Variants in EGF observed in about 807,000 individuals in gnomAD.
EGF encodes pro-epidermal growth factor.
A neutral mutation model predicts 143.8 loss-of-function variants in EGF; 95 were observed. The ratio of observed to expected loss-of-function variants is 0.66; its 90% confidence interval spans 0.56 to 0.78. The LOEUF is 0.78. Ranked by LOEUF, EGF falls within the 30% of genes least tolerant of loss-of-function variation. The pLI is 0.00. For synonymous variants in EGF, 510 were observed against 510.5 expected (o/e 1.00, Z 0.01); for missense variants, 1,320 against 1,470.9 (o/e 0.90, Z 1.68).
At chr4:109,981,543 T>A (rs189616670) in intron 15 of EGF, among the ~76,000 whole-genome samples, 3 of 152,224 alleles carry the variant, frequency 2.0e-5, no homozygotes, top group South Asian at 4.1e-4. Flanking sequence ...CTCCCTTGAA[T>A]GTGCACCCAA....
chr4:109,968,405 G>T (rs41498148), intron 10 of EGF, among the ~76,000 whole-genome samples: 3 of 152,042 alleles, frequency 2.0e-5, no homozygotes, highest in Admixed American at 6.6e-5. Flanking sequence ...GTGAAGTGGG[G>T]TGCTACAGAC....
Position 109,970,982 on chromosome 4 carries a change from G to A in EGF, c.1724+1863G>A, listed in dbSNP as rs760406293. ...ATACCTTCATTTCTTTATTATTTGAGTATTTATTTACTGAATAGTTGCAAT... is the reference window on the plus strand; with the variant it reads ...ATACCTTCATTTCTTTATTATTTGAATATTTATTTACTGAATAGTTGCAAT... On this transcript the variant is annotated intron_variant, in intron 11 of 23. Transcript: ENST00000265171. Among the ~76,000 whole-genome samples the A allele has an allele frequency of 2.6e-5, 4 of 151,954 alleles. No individual in the cohort carries two copies. In the East Asian group the frequency reaches 7.7e-4, roughly 29 times the overall value.
At chr4:110,006,956 GTTC>G (rs1350772843) in intron 22 of EGF, among the ~76,000 whole-genome samples, 1 of 152,188 alleles carries the variant, frequency 6.6e-6, no homozygotes, top group Non-Finnish European at 1.5e-5. Flanking sequence ...CGGGACCTAT[GTTC>G]TTCTGACAGA....
chr4:109,926,018 AATC>A (rs1738578164), intron 1 of EGF, among the ~76,000 whole-genome samples: 2 of 152,210 alleles, frequency 1.3e-5, no homozygotes, highest in South Asian at 4.1e-4. Flanking sequence ...GATGGGGAGT[AATC>A]ATAAAAATCT....
chr4:109,997,097 A>AG (rs1751903459), intron 20 of EGF, among the ~76,000 whole-genome samples: 1 of 151,964 alleles, frequency 6.6e-6, no homozygotes, highest in Admixed American at 6.5e-5. Flanking sequence ...TTGGTGGGTT[A>AG]GGGGAAGCCA....
At chr4:109,946,399 C>G (rs201654868) in intron 5 of EGF, among the ~76,000 whole-genome samples, 1 of 152,200 alleles carries the variant, frequency 6.6e-6, no homozygotes, top group East Asian at 1.9e-4. Context: ...CTTGCTATAA[C>G]TCCTCAAACA....
chr4:109,994,313 T>C (rs1432056362), intron 19 of EGF, among the ~76,000 whole-genome samples: 1 of 152,162 alleles, frequency 6.6e-6, no homozygotes, highest in African/African-American at 2.4e-5. Flanking sequence ...TCCAGGATAT[T>C]GGAGGTAACG....
intron 5 of EGF, among the ~76,000 whole-genome samples, chr4:109,957,398 G>A (rs1744964741): frequency 2.0e-5 from 3 of 152,212 alleles, no homozygotes; most frequent in Non-Finnish European, 4.4e-5. Flanking sequence ...GTAAACTGAT[G>A]TTAACCAATC....
intron 16 of EGF, among the ~76,000 whole-genome samples, chr4:109,985,262 C>T (rs17041140): frequency 2.6e-5 from 4 of 152,166 alleles, no homozygotes; most frequent in Admixed American, 6.5e-5. Flanking sequence ...TCTGTGTTGT[C>T]CTAGCTTGTG....
intron 19 of EGF, among the ~76,000 whole-genome samples, chr4:109,993,697 A>T (rs535017965): frequency 8.6e-5 from 13 of 151,998 alleles, no homozygotes; most frequent in African/African-American, 1.4e-4. Flanking sequence ...AGGGCTAGGC[A>T]GGTCGGTGAG....
chr4:109,969,327 G>A (rs1430883582), intron 11 of EGF, among the ~76,000 whole-genome samples: 2 of 152,140 alleles, frequency 1.3e-5, no homozygotes, highest in Non-Finnish European at 2.9e-5. Flanking sequence ...GGATTTTGAA[G>A]GCCAAGAAAG....
intron 15 of EGF, among the ~76,000 whole-genome samples, chr4:109,981,645 T>G (rs988820159): frequency 2.0e-5 from 3 of 152,172 alleles, no homozygotes; most frequent in Admixed American, 6.5e-5. Flanking sequence ...TTTTAAAAAT[T>G]TATATTTATC....
intron 2 of EGF, 40 bp downstream of exon 2, chr4:109,941,185 A>G: frequency 6.4e-7 from 1 of 1,560,832 alleles, no homozygotes; most frequent in Admixed American, 1.7e-5. Context: ...CTGTTTTTGT[A>G]CAGGCTGACA....
chr4:109,999,612 G>A (rs1162681764), intron 20 of EGF, 67 bp from the exon 21 acceptor site: 6 of 1,593,864 alleles, frequency 3.8e-6, no homozygotes, highest in Non-Finnish European at 5.2e-6. Context: ...GCTGAATACT[G>A]AGTGTCAAAA....
intron 1 of EGF, among the ~76,000 whole-genome samples, chr4:109,939,707 A>G (rs974107384): frequency 2.0e-5 from 3 of 152,036 alleles, no homozygotes; most frequent in African/African-American, 7.3e-5. Context: ...AATTCAACGT[A>G]CTCTCCAAAG....
Position 109,963,249 on chromosome 4 carries a change from C to T in EGF, c.1389C>T (p.Cys463=), listed in dbSNP as rs754468394. Residue 463 remains cysteine, a synonymous_variant, in exon 9 of 24, where the codon TGC becomes TGT. Transcript: ENST00000265171. The part of the protein sequence containing the change: ...PLSPVSWECD[C]FPGYDLQLDE... ...GCCCAGTATCCTGGGAATGTGATTG[C>T]TTTCCTGGGTATGACCTACAACTGG... 6.2e-6 allele frequency: 10 copies of T among 1,613,926 alleles called. No homozygotes were observed. The highest frequency in any genetic ancestry group is 8.5e-6 in the Non-Finnish European group (10 of 1,179,948).
At chr4:109,935,859 G>A (rs1045524470) in intron 1 of EGF, among the ~76,000 whole-genome samples, 9 of 152,282 alleles carry the variant, frequency 5.9e-5, no homozygotes, top group Admixed American at 1.3e-4. Context: ...ATTGATTTGC[G>A]TATGTTGAAC....
chr4:109,932,360 C>CATATATATATATATATATATATATATAT (rs57424246), intron 1 of EGF, among the ~76,000 whole-genome samples: 1,459 of 83,824 alleles, frequency 0.017, 19 homozygotes, highest in Non-Finnish European at 0.025. Flanking sequence ...CCCATTTAGT[C>CATATATATATATATATATATATATATAT]ATATATATAT....
At chr4:109,927,462 T>C (rs868731019) in intron 1 of EGF, among the ~76,000 whole-genome samples, 107 of 152,148 alleles carry the variant, frequency 7.0e-4, no homozygotes, top group African/African-American at 2.4e-3. Context: ...CAGTGGCTCA[T>C]GCCTGTAATC....
Sources: gnomAD v4.1 joint callset for allele counts (sites outside exome capture counted in the v4.1 genomes callset) on GRCh38, gnomAD v4.1.1 for gene constraint, MANE v1.5 for transcripts, NCBI Gene and HGNC (gene_info 2026-07-23, HGNC 2026-07-21) for gene names.